The following C19orf53 variants were observed in gnomAD, a reference collection of about 807,000 sequenced individuals.
C19orf53 encodes the protein leydig cell tumor 10 kDa protein homolog.
In C19orf53, 9 loss-of-function variants were observed where a neutral mutation model predicts 6.5. The observed-to-expected ratio is 1.38, with a 90% CI of 0.83 to 2.40. The LOEUF is 2.40. Ranked by LOEUF, C19orf53 falls within the 30% of genes most tolerant of loss-of-function variation. The probability of loss-of-function intolerance (pLI) is 0.00; values close to 1 mark genes in which losing one functional copy is unlikely to be tolerated. For synonymous variants in C19orf53, 68 were observed against 52.5 expected (o/e 1.29, Z -1.27); for missense variants, 166 against 129.7 (o/e 1.28, Z -1.36).
In C19orf53 at chr19:13,778,523, C is replaced by T. The variant is rs772037215; in HGVS notation, c.*325C>T. ...TGAGCCCACAAGTCTCCATGAGTGA[C>T]GTGGCCTGGCGTGCTCCACCCCACC... On this transcript the variant is annotated 3_prime_UTR_variant, in exon 3 of 3. Coordinates refer to ENST00000588234, the MANE Select transcript of C19orf53 (RefSeq NM_014047.3). The T allele has an allele frequency of 4.1e-5, 8 of 196,020 alleles. No individual in the cohort carries two copies. Among genetic ancestry groups the T allele is most frequent in the Middle Eastern group, 1.8e-3 (1 of 558 alleles). The allele number at this position is 196,020 out of a possible 1,614,324, so 12.1% of individuals were successfully genotyped here. A position where few individuals can be genotyped will look rare whatever the true frequency, so the allele number is the denominator to read the frequency against.
chr19:13,776,493 A>C (rs2145213869), intron 2 of C19orf53, among the ~76,000 whole-genome samples: 1 of 151,884 alleles, frequency 6.6e-6, no homozygotes, highest in African/African-American at 2.4e-5. Context: ...CATGGCTTCC[A>C]CCTCACCCAG....
In C19orf53 at chr19:13,774,470, G is replaced by C. The variant is rs1391945022; in HGVS notation, c.-8G>C. 6.3e-7 allele frequency: 1 copy of C among 1,595,422 alleles called. No homozygotes were observed. The highest frequency in any genetic ancestry group is 8.5e-7 in the Non-Finnish European group (1 of 1,171,388). ...CACAGTCCCGCCTCTTCCGCTGCGT[G>C]CCGGACCATGGCGCAGGGGCAGCGC... On this transcript the variant is annotated 5_prime_UTR_variant, in exon 1 of 3. Coordinates refer to ENST00000588234, the MANE Select transcript of C19orf53 (RefSeq NM_014047.3).
chr19:13,778,065 G>A lies in C19orf53; in HGVS notation c.167G>A (p.Gly56Glu), dbSNP rs934838717. 1 of 1,610,874 alleles carries A rather than the reference G, an allele frequency of 6.2e-7. No homozygotes were observed. The highest frequency in any genetic ancestry group is 8.5e-7 in the Non-Finnish European group (1 of 1,178,170). ...QQKLKKNLEVGIRKKIEHDVV... is the reference protein window; with the variant it reads ...QQKLKKNLEVEIRKKIEHDVV... ...CTTCTCCCTCAGAACCTAGAAGTCG[G>A]AATCCGGAAGAAGATCGAACATGAC... Residue 56 changes from glycine to glutamate, a missense_variant, in exon 3 of 3, where the codon GGA becomes GAA. Transcript: ENST00000588234.
In C19orf53 at chr19:13,774,723, A is replaced by C. The variant is rs1409510516; in HGVS notation, c.153+16A>C. 3.1e-6 allele frequency: 5 copies of C among 1,590,896 alleles called. No individual in the cohort carries two copies. The highest frequency in any genetic ancestry group is 4.3e-6 in the Non-Finnish European group (5 of 1,164,632). On this transcript the variant is annotated intron_variant, in intron 2 of 2. Transcript: ENST00000588234. The stretch of plus-strand genomic sequence containing the variant: ...GCTCAAGAAGGTGTGCGGGGGCGAG[A>C]GATGGAGCCCGGAGGGCGGCGAGTA...
chr19:13,774,991 A>G (rs1437898555), intron 2 of C19orf53: 12 of 545,480 alleles, frequency 2.2e-5, no homozygotes, highest in African/African-American at 1.5e-4. Context: ...GGGAAGGAGC[A>G]CAGGGATCGG....
In C19orf53 at chr19:13,774,654, C is replaced by T; in HGVS notation, c.100C>T (p.Arg34Cys). The T allele has an allele frequency of 6.2e-7, 1 of 1,610,132 alleles. No homozygotes were observed. Among genetic ancestry groups the T allele is most frequent in the Non-Finnish European group, 8.5e-7 (1 of 1,176,648 alleles). Residue 34 changes from arginine to cysteine, a missense_variant and splice_region_variant, in exon 2 of 3, where the codon CGT becomes TGT. Arg to Cys is a radical substitution (Grantham distance 180). Transcript: ENST00000588234. Reference sequence around the variant, plus strand: ...CACGTGAGCACATCTTTCCCCAGGTCGTGTTATCGCTCCCAAGAAGGCGCG... The same window carrying T: ...CACGTGAGCACATCTTTCCCCAGGTTGTGTTATCGCTCCCAAGAAGGCGCG... ...EKNRGPRKGG[R>C]VIAPKKARVV...
intron 2 of C19orf53, 67 bp from the exon 3 acceptor site, chr19:13,777,985 A>G: frequency 1.3e-6 from 2 of 1,535,552 alleles, no homozygotes; most frequent in Non-Finnish European, 1.8e-6. Context: ...AGCCAGGAAG[A>G]GGGTGACTGG....
rs768300620 is a variant in C19orf53, at chr19:13,774,456, C to T, written c.-22C>T. ...CGGCTACGACTGCTCACAGTCCCGC[C>T]TCTTCCGCTGCGTGCCGGACCATGG... On this transcript the variant is annotated 5_prime_UTR_variant, in exon 1 of 3. Transcript: ENST00000588234. The T allele has an allele frequency of 6.0e-5, 95 of 1,579,992 alleles. No homozygotes were observed. Among genetic ancestry groups the T allele is most frequent in the Non-Finnish European group, 7.7e-5 (89 of 1,163,144 alleles).
intron 2 of C19orf53, among the ~76,000 whole-genome samples, chr19:13,777,129 T>TACTA (rs1411115691): frequency 6.6e-6 from 1 of 151,912 alleles, no homozygotes; most frequent in Non-Finnish European, 1.5e-5. Flanking sequence ...TTTTTGTGTT[T>TACTA]TTAGTAGAGA....
At chr19:13,775,208 G>A (rs1352246105) in intron 2 of C19orf53, among the ~76,000 whole-genome samples, 1 of 152,194 alleles carries the variant, frequency 6.6e-6, no homozygotes, top group Non-Finnish European at 1.5e-5. Context: ...GAGGTGACAT[G>A]GGAAGGGAAT....
At chr19:13,776,139 T>A (rs2145213581) in intron 2 of C19orf53, among the ~76,000 whole-genome samples, 1 of 147,200 alleles carries the variant, frequency 6.8e-6, no homozygotes, top group Non-Finnish European at 1.5e-5. Flanking sequence ...TTTTTTTTTT[T>A]TTTTTTTTTT....
In C19orf53 at chr19:13,778,293, C is replaced by G. The variant is rs900295518; in HGVS notation, c.*95C>G. ...CAGGCTGCACTGTCAGGAAGAGGAC[C>G]CTGTCCCCCAGCACTGGGCTTCACC... On this transcript the variant is annotated 3_prime_UTR_variant, in exon 3 of 3. Transcript: ENST00000588234. The G allele has an allele frequency of 1.4e-6, 2 of 1,403,742 alleles. No homozygotes were observed. Among genetic ancestry groups the G allele is most frequent in the African/African-American group, 2.9e-5 (2 of 68,718 alleles). 87.0% of individuals were successfully genotyped at this position (1,403,742 alleles called of 1,614,324 possible).
At chr19:13,775,192 GA>G (rs1974355985) in intron 2 of C19orf53, among the ~76,000 whole-genome samples, 1 of 152,168 alleles carries the variant, frequency 6.6e-6, no homozygotes, top group Admixed American at 6.5e-5. Context: ...AACTCAGGAA[GA>G]CAGCGAGGTG....
At chr19:13,777,959 GC>G in intron 2 of C19orf53, 92 bp from the exon 3 acceptor site, 1 of 1,476,432 alleles carries the variant, frequency 6.8e-7, no homozygotes, top group Non-Finnish European at 9.1e-7. Flanking sequence ...TGCTGATCTA[GC>G]CCCCTGCGAG....
intron 2 of C19orf53, among the ~76,000 whole-genome samples, chr19:13,776,901 C>G (rs1261081085): frequency 6.6e-6 from 1 of 152,208 alleles, no homozygotes; most frequent in Admixed American, 6.5e-5. Flanking sequence ...CATCCAGGCA[C>G]CTGGTTAGCT....
rs2145215330 is a variant in C19orf53 at position 13,778,351 on chromosome 19, A to C, written c.*153A>C. On this transcript the variant is annotated 3_prime_UTR_variant, in exon 3 of 3. Coordinates refer to ENST00000588234, the MANE Select transcript of C19orf53 (RefSeq NM_014047.3). Reference sequence around the variant, plus strand: ...TCAGTGGGGGCCAAGGGTGCTGAGAACCCAGCAATGACCAGGAAGATACAG... The same window carrying C: ...TCAGTGGGGGCCAAGGGTGCTGAGACCCCAGCAATGACCAGGAAGATACAG... 1 of 913,692 alleles carries C rather than the reference A, an allele frequency of 1.1e-6. No individual in the cohort carries two copies. Among genetic ancestry groups the C allele is most frequent in the East Asian group, 3.0e-5 (1 of 33,276 alleles). 56.6% of individuals were successfully genotyped at this position (913,692 alleles called of 1,614,324 possible).
At chr19:13,777,569 C>T (rs558701705) in intron 2 of C19orf53, among the ~76,000 whole-genome samples, 2 of 152,306 alleles carry the variant, frequency 1.3e-5, no homozygotes, top group East Asian at 1.9e-4. Flanking sequence ...CTGGGAAAGG[C>T]GACTGAGCCA....
chr19:13,775,834 A>G (rs1032826775), intron 2 of C19orf53, among the ~76,000 whole-genome samples: 2 of 152,104 alleles, frequency 1.3e-5, no homozygotes, highest in African/African-American at 2.4e-5. Context: ...CAGCATGTCC[A>G]AAACCAAATT....
At chr19:13,775,868 C>T (rs1020304792) in intron 2 of C19orf53, among the ~76,000 whole-genome samples, 3 of 152,106 alleles carry the variant, frequency 2.0e-5, no homozygotes, top group Non-Finnish European at 4.4e-5. Flanking sequence ...TCCCATTCTG[C>T]CCTCCTCCCC....
Sources: allele counts gnomAD v4.1 joint callset (sites outside exome capture counted in the v4.1 genomes callset), GRCh38; gene constraint gnomAD v4.1.1; transcripts MANE v1.5; gene names NCBI Gene and HGNC (gene_info 2026-07-23, HGNC 2026-07-21).